Variants in CNKSR2 observed in about 807,000 individuals in gnomAD.
The protein encoded by CNKSR2 is connector enhancer of kinase suppressor of Ras 2.
Under a neutral mutation model 84.4 loss-of-function variants are expected in CNKSR2, and 14 were observed. The observed-to-expected ratio is 0.17, with a 90% CI of 0.11 to 0.26. The LOEUF (loss-of-function observed/expected upper bound fraction) is 0.26. Among genes scored for constraint, CNKSR2 ranks in the 10% least tolerant of loss-of-function variants. CNKSR2 has a pLI of 1.00. For synonymous variants in CNKSR2, 275 were observed against 277.9 expected (o/e 0.99, Z 0.10); for missense variants, 485 against 771.2 (o/e 0.63, Z 4.40).
chrX:21,518,472 A>G (rs2091750926), intron 9 of CNKSR2, among the ~76,000 whole-genome samples: 1 of 111,833 alleles, frequency 8.9e-6, no homozygotes, highest in African/African-American at 3.2e-5. Context: ...ATGCTTTTAT[A>G]ATCTATTCCC....
chrX:21,576,223 G>C (rs1013171791), intron 13 of CNKSR2, among the ~76,000 whole-genome samples: 3 of 112,144 alleles, frequency 2.7e-5, no homozygotes, highest in Non-Finnish European at 5.6e-5. Context: ...TACAAAATAT[G>C]TTCTCTGATT....
At chrX:21,626,239 G>C (rs1193075425) in intron 20 of CNKSR2, among the ~76,000 whole-genome samples, 1 of 76,558 alleles carries the variant, frequency 1.3e-5, no homozygotes, top group Non-Finnish European at 2.3e-5. Flanking sequence ...GTACATTCTA[G>C]GTGGTAAAAA....
intron 13 of CNKSR2, among the ~76,000 whole-genome samples, chrX:21,584,182 A>G (rs1194152760): frequency 1.8e-5 from 2 of 112,287 alleles, no homozygotes; most frequent in Non-Finnish European, 3.8e-5. Flanking sequence ...AGGAGATTGG[A>G]TAAAAGGAAA....
intron 20 of CNKSR2, among the ~76,000 whole-genome samples, chrX:21,624,363 A>G (rs1365916960): frequency 8.9e-6 from 1 of 111,938 alleles, no homozygotes; most frequent in Non-Finnish European, 1.9e-5. Flanking sequence ...CTCAAGAACC[A>G]TTTATTGTAC....
intron 1 of CNKSR2, chrX:21,421,920 G>A: frequency 9.0e-6 from 1 of 110,921 alleles, no homozygotes; most frequent in Middle Eastern, 4.5e-3. Flanking sequence ...TGGATCTCCT[G>A]GTGCTTTTCA....
intron 1 of CNKSR2, chrX:21,425,855 G>A (rs1014867302): frequency 9.0e-5 from 10 of 111,448 alleles, no homozygotes; most frequent in Admixed American, 1.9e-4. Context: ...ATTAAGGAGC[G>A]CATCACAGGT....
intron 18 of CNKSR2, among the ~76,000 whole-genome samples, chrX:21,602,830 T>C (rs1433024839): frequency 8.9e-6 from 1 of 112,381 alleles, no homozygotes; most frequent in African/African-American, 3.2e-5. Context: ...TAAAAGTGTT[T>C]ATAGATTTTT....
At chrX:21,513,125 G>A (rs1224590217) in intron 8 of CNKSR2, among the ~76,000 whole-genome samples, 1 of 112,183 alleles carries the variant, frequency 8.9e-6, no homozygotes, top group Non-Finnish European at 1.9e-5. Flanking sequence ...AAGCTAAACA[G>A]TTGGAAATAT....
rs1012965048 is a variant in CNKSR2 at position 21,380,041 on chromosome X, G to C, written c.64+5080G>C. Among the ~76,000 whole-genome samples, 3 of 111,330 alleles carry C rather than the reference G, an allele frequency of 2.7e-5. No homozygotes were observed. The Admixed American group carries it at 2.9e-4, about 11-fold the overall frequency. On this transcript the variant is annotated intron_variant, in intron 1 of 21. Transcript: ENST00000379510. ...TAGGTTTGTCTGGATGAAGGAGAGA[G>C]GTGGGCAGTAGAGGGAAAGTGAGGG...
Position 21,622,146 on chromosome X carries a change from T to C in CNKSR2, c.2692+12529T>C, listed in dbSNP as rs762305112. Among the ~76,000 whole-genome samples the C allele has an allele frequency of 9.2e-4, 102 of 111,316 alleles. 1 individual carries two copies. The highest frequency in any genetic ancestry group is 1.1e-3 in the Non-Finnish European group (56 of 52,787). ...TGCCCTAGTTTGAAGACTTTTTCTC[T>C]TGCAGGAAAAGCCTAAATTGTCATT... On this transcript the variant is annotated intron_variant, in intron 20 of 21. Coordinates refer to ENST00000379510, the MANE Select transcript of CNKSR2 (RefSeq NM_014927.5).
chrX:21,502,864 A>AAC (rs2091573589), intron 8 of CNKSR2, among the ~76,000 whole-genome samples: 1 of 111,648 alleles, frequency 9.0e-6, no homozygotes, highest in African/African-American at 3.2e-5. Context: ...GAAACTGTAC[A>AAC]AAGTAGTTGT....
At chrX:21,574,764 G>A (rs12010494) in intron 13 of CNKSR2, among the ~76,000 whole-genome samples, 5,577 of 111,351 alleles carry the variant, frequency 0.05, 341 homozygotes, top group African/African-American at 0.17. Context: ...TGTTCATATC[G>A]CACAAGCACA....
At position 21,609,176 on chromosome X, in the gene CNKSR2, G is replaced by A; in HGVS notation, c.2251G>A (p.Gly751Arg). Residue 751 changes from glycine to arginine, a missense_variant, in exon 20 of 22, where the codon GGG (glycine) becomes AGG (arginine). This residue lies in a region of CNKSR2 where 210 missense variants were observed against 291.5 expected (regional missense o/e 0.72). Transcript: ENST00000379510. The stretch of plus-strand genomic sequence containing the variant: ...TGAGGAGTTTCGCCAGGAAGTAACT[G>A]GGAGCAGTGCAGTGTCTCCCATTCG... ...SHEEFRQEVTGSSAVSPIRKT... is the reference protein window; with the variant it reads ...SHEEFRQEVTRSSAVSPIRKT... The A allele has an allele frequency of 8.3e-7, 1 of 1,211,386 alleles. No individual in the cohort carries two copies. The highest frequency in any genetic ancestry group is 1.1e-6 in the Non-Finnish European group (1 of 895,156).
chrX:21,598,040 C>T (rs1168721918), intron 17 of CNKSR2, among the ~76,000 whole-genome samples: 1 of 108,507 alleles, frequency 9.2e-6, no homozygotes, highest in Non-Finnish European at 1.9e-5. Flanking sequence ...CACACACACA[C>T]ACAACAAATA....
In CNKSR2 at chrX:21,532,066, T is replaced by C. The variant is rs1461941160; in HGVS notation, c.1302T>C (p.Tyr434=). Residue 434 remains tyrosine (Y), a splice_region_variant and synonymous_variant, in exon 11 of 22, where the codon TAT becomes TAC. Coordinates refer to ENST00000379510, the MANE Select transcript of CNKSR2 (RefSeq NM_014927.5). ...GAAGACGAGAAAGCACCCCAACTTATGGTAAGAGTTCTTCTTTTATGTTTA... is the reference window on the plus strand; with the variant it reads ...GAAGACGAGAAAGCACCCCAACTTACGGTAAGAGTTCTTCTTTTATGTTTA... ...SQGRRESTPT[Y]GKLRPISMPV... 2.6e-6 allele frequency: 3 copies of C among 1,157,004 alleles called. No homozygotes were observed. Among genetic ancestry groups the C allele is most frequent in the South Asian group, 1.9e-5 (1 of 53,793 alleles).
intron 13 of CNKSR2, among the ~76,000 whole-genome samples, chrX:21,565,681 C>A (rs1258571733): frequency 1.8e-5 from 2 of 111,022 alleles, no homozygotes; most frequent in African/African-American, 3.3e-5. Flanking sequence ...CTGGGTATTT[C>A]CTAACTCTGT....
intron 8 of CNKSR2, among the ~76,000 whole-genome samples, chrX:21,515,558 A>T (rs766098204): frequency 4.9e-4 from 54 of 111,105 alleles, no homozygotes; most frequent in East Asian, 2.6e-3. Flanking sequence ...AATTTTTTTT[A>T]AAAAAAACTT....
intron 4 of CNKSR2, among the ~76,000 whole-genome samples, chrX:21,466,456 A>G (rs1457876754): frequency 8.9e-6 from 1 of 112,048 alleles, no homozygotes; most frequent in African/African-American, 3.2e-5. Context: ...AGCTATTTAA[A>G]TACTTAACAT....
At chrX:21,606,732 G>T (rs369841371) in intron 18 of CNKSR2, 47 bp from the exon 19 acceptor site, 10 of 783,135 alleles carry the variant, frequency 1.3e-5, no homozygotes, top group Non-Finnish European at 1.9e-5. Flanking sequence ...AATATGACCA[G>T]AAACATTTAG....
Sources: gnomAD v4.1 joint callset for allele counts (sites outside exome capture counted in the v4.1 genomes callset) on GRCh38, gnomAD v4.1.1 for gene constraint, gnomAD v4.1.1 regional missense constraint, MANE v1.5 for transcripts, NCBI Gene and HGNC (gene_info 2026-07-23, HGNC 2026-07-21) for gene names.